SPOCK3: variants seen among roughly 807,000 people sequenced by gnomAD.
SPOCK3 encodes the protein SPARC (osteonectin), cwcv and kazal like domains proteoglycan 3.
Under a neutral mutation model 56.6 loss-of-function variants are expected in SPOCK3, and 30 were observed. That is an observed-to-expected ratio of 0.53 (90% CI 0.40 to 0.72). SPOCK3 has a LOEUF of 0.72. Among genes scored for constraint, SPOCK3 ranks in the 30% least tolerant of loss-of-function variants. The probability of loss-of-function intolerance (pLI) is 0.00; values close to 1 mark genes in which losing one functional copy is unlikely to be tolerated. For synonymous variants in SPOCK3, 196 were observed against 183.3 expected, an observed-to-expected ratio of 1.07 and a Z score of -0.56; for missense variants, 527 against 530.0, an observed-to-expected ratio of 0.99 and a Z score of 0.06.
chr4:166,751,313 T>A (rs906805588), intron 8 of SPOCK3, among the ~76,000 whole-genome samples: 5 of 152,292 alleles, frequency 3.3e-5, no homozygotes, highest in African/African-American at 1.2e-4. Context: ...TAACCTCCAA[T>A]AATGTCATTA....
chr4:166,794,923 G>A (rs183519962), intron 6 of SPOCK3, among the ~76,000 whole-genome samples: 6 of 152,194 alleles, frequency 3.9e-5, no homozygotes, highest in African/African-American at 1.4e-4. Context: ...AATTAAAGGC[G>A]TGAGTCACCG....
intron 2 of SPOCK3, among the ~76,000 whole-genome samples, chr4:167,106,581 A>G (rs1760171736): frequency 1.3e-5 from 2 of 151,704 alleles, no homozygotes; most frequent in Non-Finnish European, 3.0e-5. Context: ...TAAAGAATGC[A>G]TCATTTATTT....
intron 6 of SPOCK3, among the ~76,000 whole-genome samples, chr4:166,825,144 A>G (rs1483589303): frequency 1.3e-5 from 2 of 152,078 alleles, no homozygotes; most frequent in Admixed American, 6.6e-5. Flanking sequence ...TTATGTGACA[A>G]ATAAGGTACC....
chr4:166,873,388 A>G (rs1732704685), intron 6 of SPOCK3, among the ~76,000 whole-genome samples: 1 of 152,154 alleles, frequency 6.6e-6, no homozygotes, highest in Non-Finnish European at 1.5e-5. Context: ...ACCTGAATGT[A>G]AACTATGAAC....
chr4:166,921,408 TC>T (rs1331930491), intron 4 of SPOCK3, among the ~76,000 whole-genome samples: 2 of 147,646 alleles, frequency 1.4e-5, no homozygotes, highest in African/African-American at 5.0e-5. Flanking sequence ...AACTTCTACC[TC>T]CCGGGTTCAA....
chr4:166,887,882 A>T (rs1000076806), intron 6 of SPOCK3, among the ~76,000 whole-genome samples: 1 of 150,414 alleles, frequency 6.6e-6, no homozygotes, highest in Non-Finnish European at 1.5e-5. Flanking sequence ...AAAAGAAGAG[A>T]GCTCCTGAAA....
At chr4:166,809,551 G>GAAATAGAATA (rs1450004597) in intron 6 of SPOCK3, among the ~76,000 whole-genome samples, 1 of 152,024 alleles carries the variant, frequency 6.6e-6, no homozygotes, top group Non-Finnish European at 1.5e-5. Flanking sequence ...AAGAGATGTT[G>GAAATAGAATA]AAATAGAATA....
At chr4:167,141,632 C>A (rs1763538419) in intron 2 of SPOCK3, among the ~76,000 whole-genome samples, 1 of 151,912 alleles carries the variant, frequency 6.6e-6, no homozygotes, top group Non-Finnish European at 1.5e-5. Flanking sequence ...ACACAGGTGG[C>A]AGATACATTT....
intron 4 of SPOCK3, among the ~76,000 whole-genome samples, chr4:166,953,258 T>C (rs1742927399): frequency 6.6e-6 from 1 of 151,690 alleles, no homozygotes; most frequent in South Asian, 2.1e-4. Context: ...AACAACCCCA[T>C]CAAAAAGTGG....
chr4:166,952,559 T>C (rs920207900), intron 4 of SPOCK3, among the ~76,000 whole-genome samples: 10 of 152,168 alleles, frequency 6.6e-5, no homozygotes, highest in Non-Finnish European at 1.0e-4. Context: ...CAAATGGCTT[T>C]CTTCACAGAA....
At chr4:167,174,834 TACACACAG>T (rs1488106340) in intron 2 of SPOCK3, among the ~76,000 whole-genome samples, 2 of 152,198 alleles carry the variant, frequency 1.3e-5, no homozygotes, top group African/African-American at 4.8e-5. Context: ...CAAACACACA[TACACACAG>T]GCATGCACAC....
intron 6 of SPOCK3, among the ~76,000 whole-genome samples, chr4:166,888,767 C>T (rs1020776725): frequency 3.3e-5 from 5 of 151,794 alleles, no homozygotes; most frequent in Non-Finnish European, 7.4e-5. Context: ...CTGATCAAAC[C>T]ACTTAATTAC....
chr4:166,748,389 G>T (rs559911538), intron 8 of SPOCK3, among the ~76,000 whole-genome samples: 1 of 137,210 alleles, frequency 7.3e-6, no homozygotes, highest in Non-Finnish European at 1.5e-5. Context: ...ATGGGGAAAG[G>T]ATTCCCTTTT....
chr4:166,862,250 G>A (rs1322384865), intron 6 of SPOCK3, among the ~76,000 whole-genome samples: 1 of 151,968 alleles, frequency 6.6e-6, no homozygotes, highest in African/African-American at 2.4e-5. Context: ...CCTACTCGAT[G>A]AACTTGATAT....
At chr4:167,039,980 G>C (rs1403322366) in intron 3 of SPOCK3, among the ~76,000 whole-genome samples, 1 of 151,938 alleles carries the variant, frequency 6.6e-6, no homozygotes, top group Non-Finnish European at 1.5e-5. Flanking sequence ...TGTTGCCTTT[G>C]GCCTTGAGTT....
At chr4:166,816,032 C>T (rs745875100) in intron 6 of SPOCK3, among the ~76,000 whole-genome samples, 16 of 151,996 alleles carry the variant, frequency 1.1e-4, no homozygotes, top group East Asian at 7.8e-4. Flanking sequence ...AATATAACAA[C>T]GTAATCTGGT....
chr4:167,113,966 G>A (rs1026403573), intron 2 of SPOCK3, among the ~76,000 whole-genome samples: 1 of 152,102 alleles, frequency 6.6e-6, no homozygotes, highest in Non-Finnish European at 1.5e-5. Flanking sequence ...ACAGAGCAGA[G>A]AAGAAATATG....
intron 3 of SPOCK3, among the ~76,000 whole-genome samples, chr4:167,038,958 A>G (rs1753008218): frequency 1.3e-5 from 2 of 152,192 alleles, no homozygotes; most frequent in African/African-American, 4.8e-5. Context: ...GTACTGCTGT[A>G]GCAAAGTACT....
intron 2 of SPOCK3, among the ~76,000 whole-genome samples, chr4:167,209,865 G>A (rs997236562): frequency 1.3e-5 from 2 of 152,070 alleles, no homozygotes; most frequent in African/African-American, 2.4e-5. Context: ...GGGAAAAAAA[G>A]CAGAACTTAA....
Sources: allele counts gnomAD v4.1 joint callset (sites outside exome capture counted in the v4.1 genomes callset), GRCh38; gene constraint gnomAD v4.1.1; transcripts MANE v1.5; gene names NCBI Gene and HGNC (gene_info 2026-07-23, HGNC 2026-07-21).